PIWIL3: variants seen among roughly 807,000 people sequenced by gnomAD.
PIWIL3 encodes piwi like RNA-mediated gene silencing 3.
In PIWIL3, 101 loss-of-function variants were observed where a neutral mutation model predicts 109.7. The ratio of observed to expected loss-of-function variants is 0.92; its 90% CI spans 0.78 to 1.09. The LOEUF is 1.09. Ranked by LOEUF, PIWIL3 falls within the 50% of genes least tolerant of loss-of-function variation. PIWIL3 has a pLI of 0.00. For missense variants in PIWIL3, 1,031 were observed against 1,072.6 expected, an observed-to-expected ratio of 0.96 and a Z score of 0.54; for synonymous variants, 373 against 376.4, an observed-to-expected ratio of 0.99 and a Z score of 0.10.
rs57298578 is a variant in PIWIL3 at position 24,757,659 on chromosome 22, TACACACACAC to T, written c.355+239_355+248del. ...ACACATATATAAAATATGTATATAT[TACACACACAC>T]ACACACACACACACACACACACACA... On this transcript the variant is annotated intron_variant, in intron 4 of 20. Coordinates refer to ENST00000616349, the MANE Select transcript of PIWIL3 (RefSeq NM_001255975.1). Among the ~76,000 whole-genome samples, 343 of 109,848 alleles carry T rather than the reference TACACACACAC, an allele frequency of 3.1e-3. 1 individual carries two copies. The highest frequency in any genetic ancestry group is 5.0e-3 in the Middle Eastern group (1 of 202). 72.1% of individuals were successfully genotyped at this position (109,848 alleles called of 152,430 possible). A position where few individuals can be genotyped will look rare whatever the true frequency, so the allele number is the denominator to read the frequency against.
At chr22:24,751,312 A>C in intron 9 of PIWIL3, 75 bp downstream of exon 9, 1 of 1,389,052 alleles carries the variant, frequency 7.2e-7, no homozygotes, top group Non-Finnish European at 9.9e-7. Context: ...AATATGTTCA[A>C]GTAGCTAAAT....
At chr22:24,749,558 T>C (rs576693912) in intron 10 of PIWIL3, 37 bp from the exon 11 acceptor site, 4 of 1,611,854 alleles carry the variant, frequency 2.5e-6, no homozygotes, top group African/African-American at 2.7e-5. Context: ...TGAACAAGCA[T>C]GAATTTGAGT....
rs1569103568 is a variant in PIWIL3, at chr22:24,744,184, A to AAAAAAAAAAC, written c.1449+4722_1449+4723insGTTTTTTTTT. On this transcript the variant is annotated intron_variant, in intron 12 of 20. Transcript: ENST00000616349. ...ATTGAAAGAGTGACCGAATTAAAAA[A>AAAAAAAAAAC]AAAAAAAAAAAAAAAAAAAAAAACA... is the stretch of plus-strand genomic sequence containing the variant. Among the ~76,000 whole-genome samples the AAAAAAAAAAC allele has an allele frequency of 6.2e-5, 9 of 144,350 alleles. No homozygotes were observed. The East Asian group carries it at 9.9e-4, about 16-fold the overall frequency. 94.7% of individuals were successfully genotyped at this position (144,350 alleles called of 152,430 possible).
intron 12 of PIWIL3, among the ~76,000 whole-genome samples, chr22:24,744,178 T>TTAAAAAAAAAAA (rs1924180538): frequency 0.021 from 715 of 34,300 alleles, 220 homozygotes; most frequent in East Asian, 0.053. Context: ...GTGACCGAAT[T>TTAAAAAAAAAAA]AAAAAAAAAA....
intron 12 of PIWIL3, among the ~76,000 whole-genome samples, chr22:24,741,854 C>T (rs888525240): frequency 2.4e-4 from 37 of 151,128 alleles, no homozygotes; most frequent in Middle Eastern, 3.5e-3. Flanking sequence ...AGATGCCCCC[C>T]GTTTCACCAC....
chr22:24,760,544 T>C (rs1333208366), intron 2 of PIWIL3, among the ~76,000 whole-genome samples: 2 of 151,400 alleles, frequency 1.3e-5, no homozygotes, highest in East Asian at 2.0e-4. Flanking sequence ...TCCCAGCACT[T>C]TGGGAGGCCG....
At chr22:24,741,402 G>T (rs1601834658) in intron 12 of PIWIL3, among the ~76,000 whole-genome samples, 1 of 152,262 alleles carries the variant, frequency 6.6e-6, no homozygotes, top group East Asian at 1.9e-4. Context: ...TATTTGGGAG[G>T]CTGAGGTAGG....
At chr22:24,737,617 G>A (rs910832344) in intron 12 of PIWIL3, among the ~76,000 whole-genome samples, 1 of 152,240 alleles carries the variant, frequency 6.6e-6, no homozygotes, top group Non-Finnish European at 1.5e-5. Flanking sequence ...CTCAGCCACA[G>A]TGGGGTAGAG....
At chr22:24,743,822 A>G (rs939206841) in intron 12 of PIWIL3, among the ~76,000 whole-genome samples, 3 of 152,194 alleles carry the variant, frequency 2.0e-5, no homozygotes, top group Non-Finnish European at 4.4e-5. Flanking sequence ...AAAATTTAAA[A>G]AAACAGAAGA....
At chr22:24,755,578 CAGG>C (rs904602562) in intron 6 of PIWIL3, among the ~76,000 whole-genome samples, 2 of 152,178 alleles carry the variant, frequency 1.3e-5, no homozygotes, top group African/African-American at 2.4e-5. Flanking sequence ...GGGCATCGGC[CAGG>C]AGAAGAACAT....
intron 12 of PIWIL3, 137 bp from the exon 13 acceptor site, chr22:24,736,029 T>C: frequency 1.4e-6 from 1 of 722,388 alleles, no homozygotes; most frequent in Non-Finnish European, 2.1e-6. Flanking sequence ...TGTAGGTATT[T>C]TTTTCATTAA....
At position 24,748,919 on chromosome 22, in the gene PIWIL3, T is replaced by G; in HGVS notation, c.1437A>C (p.Gln479His). The G allele has an allele frequency of 6.2e-7, 1 of 1,611,252 alleles. No individual in the cohort carries two copies. The highest frequency in any genetic ancestry group is 8.5e-7 in the Non-Finnish European group (1 of 1,178,224). Reference protein sequence around the residue: ...GRVLKNANIVQGRRMVKANSQ... With the variant: ...GRVLKNANIVHGRRMVKANSQ... ...GAAACTGTCTTACCATTCTTCTGCCTTGCACGATGTTTGCGTTTTTCAAAA... is the reference window on the plus strand; with the variant it reads ...GAAACTGTCTTACCATTCTTCTGCCGTGCACGATGTTTGCGTTTTTCAAAA... The change falls in exon 12 of 21, where the codon CAA (glutamine) becomes CAC (histidine). Residue 479 changes from glutamine (Q) to histidine (H), a missense_variant. Physicochemically the swap from Gln to His is conservative, Grantham distance 24 (BLOSUM62 0). Coordinates refer to ENST00000616349, the MANE Select transcript of PIWIL3 (RefSeq NM_001255975.1).
Position 24,749,818 on chromosome 22 carries a change from T to C in PIWIL3, c.1091A>G (p.Gln364Arg). The C allele has an allele frequency of 6.2e-7, 1 of 1,613,730 alleles. No individual in the cohort carries two copies. Among genetic ancestry groups the C allele is most frequent in the Non-Finnish European group, 8.5e-7 (1 of 1,179,870 alleles). Residue 364 changes from glutamine to arginine, a missense_variant and splice_region_variant, in exon 10 of 21, where the codon CAA (glutamine) becomes CGA (arginine). Gln to Arg is a conservative substitution (Grantham distance 43). Coordinates refer to ENST00000616349, the MANE Select transcript of PIWIL3 (RefSeq NM_001255975.1). ...KITYIDYYRQ[Q>R]HKEIVTVKKQ... ...CTTCACTGTGACAATTTCTTTATGT[T>C]GCTGCTCAACAAACAAGAGACCAGC...
chr22:24,743,362 A>G (rs1031833297), intron 12 of PIWIL3, among the ~76,000 whole-genome samples: 1 of 152,218 alleles, frequency 6.6e-6, no homozygotes, highest in Non-Finnish European at 1.5e-5. Context: ...CCAGAGGAAA[A>G]GTCATTATAT....
rs779264127 is a variant in PIWIL3, at chr22:24,748,955, G to A, written c.1401C>T (p.Val467=). The change falls in exon 12 of 21, where the codon GTC becomes GTT. Residue 467 remains valine (V), a synonymous_variant. Transcript: ENST00000616349. Reference sequence around the variant, plus strand: ...TTGCGTTTTTCAAAACTCTTCCCGGGACGGACAAAAAATTGGTATCAAATT... The same window carrying A: ...TTGCGTTTTTCAAAACTCTTCCCGGAACGGACAAAAAATTGGTATCAAATT... ...DLKFDTNFLS[V]PGRVLKNANI... The A allele has an allele frequency of 1.2e-6, 2 of 1,613,408 alleles. No homozygotes were observed. Among genetic ancestry groups the A allele is most frequent in the Non-Finnish European group, 1.7e-6 (2 of 1,179,852 alleles).
At chr22:24,770,145 G>T (rs1051363855) in intron 1 of PIWIL3, among the ~76,000 whole-genome samples, 55 of 152,190 alleles carry the variant, frequency 3.6e-4, no homozygotes, top group African/African-American at 1.3e-3. Flanking sequence ...CATCGTAACA[G>T]CTTTGTGAAG....
At position 24,740,290 on chromosome 22, in the gene PIWIL3, T is replaced by A. The variant is rs1382869921; in HGVS notation, c.1450-4398A>T. 6.1e-5 allele frequency among the ~76,000 whole-genome samples: 9 copies of A among 148,636 alleles called. No homozygotes were observed. The East Asian group carries it at 1.2e-3, about 20-fold the overall frequency. ...GAGGCTGGGCACAATGGCCCACTCC[T>A]GTAATCCCAGCACTTTGGGAGCCCG... On this transcript the variant is annotated intron_variant, in intron 12 of 20. Transcript: ENST00000616349.
chr22:24,731,649 CA>C (rs773614986), intron 14 of PIWIL3, among the ~76,000 whole-genome samples: 2,338 of 96,746 alleles, frequency 0.024, 13 homozygotes, highest in Non-Finnish European at 0.036. Context: ...AGACTCCGTC[CA>C]AAAAAAAAAA....
Position 24,719,908 on chromosome 22 carries a change from G to A in PIWIL3, c.2358-13C>T. On this transcript the variant is annotated splice_polypyrimidine_tract_variant and intron_variant, in intron 19 of 20. Coordinates refer to ENST00000616349, the MANE Select transcript of PIWIL3 (RefSeq NM_001255975.1). ...AAAAAAGTCATACCTGGAAATATAG[G>A]ACATGTGGGTATCAGCTCATTTTAG... The A allele has an allele frequency of 1.3e-6, 2 of 1,598,708 alleles. No homozygotes were observed. Among genetic ancestry groups the A allele is most frequent in the Non-Finnish European group, 1.7e-6 (2 of 1,168,630 alleles).
Sources: gnomAD v4.1 joint callset for allele counts (sites outside exome capture counted in the v4.1 genomes callset) on GRCh38, gnomAD v4.1.1 for gene constraint, MANE v1.5 for transcripts, NCBI Gene and HGNC (gene_info 2026-07-23, HGNC 2026-07-21) for gene names.